The following METTL15 variants were observed in gnomAD, a reference collection of about 807,000 sequenced individuals.
The protein encoded by METTL15 is 12S rRNA N(4)-cytidine methyltransferase METTL15.
A neutral mutation model predicts 38.3 loss-of-function variants in METTL15; 34 were observed. That is an observed-to-expected ratio of 0.89 (90% CI 0.68 to 1.18). METTL15 has a LOEUF of 1.18. METTL15 is among the 50% of genes most tolerant of loss of function. The pLI, the probability that METTL15 is intolerant of heterozygous loss-of-function variation, is 0.00. For missense variants in METTL15, 438 were observed against 498.4 expected, an observed-to-expected ratio of 0.88 and a Z score of 1.15; for synonymous variants, 162 against 170.9, an observed-to-expected ratio of 0.95 and a Z score of 0.41.
intron 4 of METTL15, among the ~76,000 whole-genome samples, chr11:28,280,142 TTTTTTTCCCA>T (rs1166715282): frequency 2.6e-5 from 4 of 152,148 alleles, no homozygotes; most frequent in South Asian, 2.1e-4. Context: ...TTTCCATTGC[TTTTTTTCCCA>T]TTTTTTCCCA....
At chr11:28,248,667 TA>T (rs1250042461) in intron 4 of METTL15, among the ~76,000 whole-genome samples, 1 of 152,096 alleles carries the variant, frequency 6.6e-6, no homozygotes, top group Non-Finnish European at 1.5e-5. Flanking sequence ...GGTAGATAAC[TA>T]ATATTAGAGA....
chr11:28,437,206 C>T (rs950477986), intron 6 of METTL15, among the ~76,000 whole-genome samples: 8 of 152,144 alleles, frequency 5.3e-5, no homozygotes, highest in African/African-American at 1.9e-4. Context: ...GGTTTCCTTG[C>T]TCCTCATCTT....
chr11:28,227,341 T>C (rs1853523481), intron 4 of METTL15, among the ~76,000 whole-genome samples: 1 of 151,894 alleles, frequency 6.6e-6, no homozygotes, highest in Non-Finnish European at 1.5e-5. Context: ...ATTGTGATCA[T>C]GGCTATGAAT....
chr11:28,162,712 TCAAA>T (rs1280102395), intron 3 of METTL15, among the ~76,000 whole-genome samples: 1 of 152,066 alleles, frequency 6.6e-6, no homozygotes, highest in Non-Finnish European at 1.5e-5. Context: ...GGCAAAATCA[TCAAA>T]CAAAGCCTAT....
chr11:28,350,162 C>T (rs896099201), intron 3 of METTL15, among the ~76,000 whole-genome samples: 5 of 152,176 alleles, frequency 3.3e-5, no homozygotes, highest in East Asian at 3.9e-4. Context: ...AAATAAGAAA[C>T]GGTTCCTGTA....
At chr11:28,123,853 T>C in intron 3 of METTL15, 2 of 1,451,864 alleles carry the variant, frequency 1.4e-6, no homozygotes, top group Non-Finnish European at 1.9e-6. Context: ...TATTTTTCTT[T>C]CTGGCAAGCA....
chr11:28,462,321 C>T (rs1185901001), intron 6 of METTL15, among the ~76,000 whole-genome samples: 1 of 151,936 alleles, frequency 6.6e-6, no homozygotes, highest in African/African-American at 2.4e-5. Context: ...TGTTCAGCTT[C>T]TTATGGTCCT....
chr11:28,180,739 A>G (rs894435799), intron 3 of METTL15, among the ~76,000 whole-genome samples: 1 of 151,834 alleles, frequency 6.6e-6, no homozygotes, highest in Non-Finnish European at 1.5e-5. Context: ...ATACAAATGA[A>G]AAGAATAGTA....
At chr11:28,375,796 G>T (rs1850303891) in intron 5 of METTL15, among the ~76,000 whole-genome samples, 1 of 151,564 alleles carries the variant, frequency 6.6e-6, no homozygotes, top group South Asian at 2.1e-4. Context: ...TTTCTCTTGT[G>T]GGTATTTAGT....
intron 4 of METTL15, among the ~76,000 whole-genome samples, chr11:28,230,904 C>T (rs1345597154): frequency 6.6e-6 from 1 of 151,790 alleles, no homozygotes; most frequent in Non-Finnish European, 1.5e-5. Context: ...GGGGAATGCT[C>T]AGAAGCTCAA....
chr11:28,139,967 GGA>G (rs71050945), intron 3 of METTL15, among the ~76,000 whole-genome samples: 151,750 of 152,320 alleles, frequency 1, 75,597 homozygotes, highest in Non-Finnish European at 1. Context: ...AAGACTCTGT[GGA>G]GACCCATGGC....
At chr11:28,182,100 G>A (rs12805137) in intron 3 of METTL15, among the ~76,000 whole-genome samples, 17,051 of 152,016 alleles carry the variant, frequency 0.11, 1,322 homozygotes, top group Non-Finnish European at 0.17. Context: ...CTTTTTGATG[G>A]GGTTGTTTGT....
At chr11:28,412,367 A>G (rs1403045531) in intron 5 of METTL15, among the ~76,000 whole-genome samples, 1 of 151,806 alleles carries the variant, frequency 6.6e-6, no homozygotes, top group Non-Finnish European at 1.5e-5. Context: ...ATGGATAAAG[A>G]AAATGTTATA....
chr11:28,323,752 G>C (rs1288470209), intron 6 of METTL15, among the ~76,000 whole-genome samples: 1 of 152,290 alleles, frequency 6.6e-6, no homozygotes, highest in East Asian at 1.9e-4. Context: ...CAGATGCAGA[G>C]CCATCAGAAT....
intron 6 of METTL15, among the ~76,000 whole-genome samples, chr11:28,308,651 C>A (rs951165960): frequency 1.3e-5 from 2 of 152,024 alleles, no homozygotes; most frequent in African/African-American, 4.8e-5. Context: ...GCCGGATGCA[C>A]CCTATAATTT....
intron 5 of METTL15, among the ~76,000 whole-genome samples, chr11:28,375,536 G>A (rs1207222474): frequency 1.3e-5 from 2 of 151,784 alleles, no homozygotes; most frequent in Non-Finnish European, 2.9e-5. Context: ...TTTTTATTGT[G>A]TCTATTTGAT....
At chr11:28,221,208 T>C (rs1203135880) in intron 4 of METTL15, among the ~76,000 whole-genome samples, 2 of 152,218 alleles carry the variant, frequency 1.3e-5, no homozygotes, top group African/African-American at 4.8e-5. Flanking sequence ...CAATCAGATG[T>C]AGATTTGGTC....
rs566043058 is a variant in METTL15, at chr11:28,417,378, G to A, written c.*359-6921G>A. 2.6e-5 allele frequency among the ~76,000 whole-genome samples: 4 copies of A among 152,212 alleles called. No individual in the cohort carries two copies. The East Asian group carries it at 5.8e-4, about 22-fold the overall frequency. ...TCCATATTTTAAGTCCCAATCTATT[G>A]TCTTTGTCTTCCAGGTTCAATAGTT... is the stretch of plus-strand genomic sequence containing the variant. On this transcript the variant is annotated intron_variant and NMD_transcript_variant, in intron 5 of 7. Transcript: ENST00000532947.
At chr11:28,212,299 G>A (rs901270231) in intron 4 of METTL15, among the ~76,000 whole-genome samples, 1 of 151,950 alleles carries the variant, frequency 6.6e-6, no homozygotes, top group Non-Finnish European at 1.5e-5. Flanking sequence ...CATTTCTTCC[G>A]AGAATAATAT....
Sources: allele counts gnomAD v4.1 joint callset (sites outside exome capture counted in the v4.1 genomes callset), GRCh38; gene constraint gnomAD v4.1.1; transcripts MANE v1.5; gene names NCBI Gene and HGNC (gene_info 2026-07-23, HGNC 2026-07-21).